The following ZC3H12B variants were observed in gnomAD, a reference collection of about 807,000 sequenced individuals.
The protein encoded by ZC3H12B is probable ribonuclease ZC3H12B.
In ZC3H12B, 7 loss-of-function variants were observed where a neutral mutation model predicts 43.9. That is an observed-to-expected ratio of 0.16 (90% CI 0.09 to 0.30). ZC3H12B has a LOEUF of 0.30. Among genes scored for constraint, ZC3H12B ranks in the 10% least tolerant of loss-of-function variants. The pLI, the probability that ZC3H12B is intolerant of heterozygous loss-of-function variation, is 1.00. For missense variants in ZC3H12B, 475 were observed against 670.2 expected (o/e 0.71, Z 3.22); for synonymous variants, 222 against 241.7 (o/e 0.92, Z 0.76).
the ZC3H12B span, among the ~76,000 whole-genome samples, chrX:65,268,724 A>C: frequency 8.9e-6 from 1 of 111,960 alleles, no homozygotes; most frequent in African/African-American, 3.3e-5. Flanking sequence ...AACTTTTAAC[A>C]ATTTAGGTAT....
chrX:65,464,705 G>A (rs1028337801), intron 3 of ZC3H12B, among the ~76,000 whole-genome samples: 1 of 110,349 alleles, frequency 9.1e-6, no homozygotes, highest in Non-Finnish European at 1.9e-5. Flanking sequence ...TGAGTGGCTA[G>A]GTTATTGACT....
chrX:65,407,163 A>G (rs2066839592), intron 3 of ZC3H12B, among the ~76,000 whole-genome samples: 1 of 113,051 alleles, frequency 8.8e-6, no homozygotes, highest in East Asian at 2.8e-4. Flanking sequence ...GAGGAAGAAA[A>G]GAAAGAAGAC....
chrX:65,056,848 C>G, the ZC3H12B span, among the ~76,000 whole-genome samples: 1 of 111,717 alleles, frequency 9.0e-6, no homozygotes, highest in Admixed American at 9.5e-5. Context: ...TATGTAATGG[C>G]CTTGTCTCTT....
intron 3 of ZC3H12B, among the ~76,000 whole-genome samples, chrX:65,406,707 G>A (rs1185510228): frequency 9.0e-6 from 1 of 111,257 alleles, no homozygotes; most frequent in Non-Finnish European, 1.9e-5. Context: ...AGGCGCGGGC[G>A]GCGGCGGCGG....
the ZC3H12B span, chrX:65,328,030 A>C: frequency 3.8e-6 from 1 of 262,512 alleles, no homozygotes; most frequent in Non-Finnish European, 7.6e-6. Flanking sequence ...CCACTTGATA[A>C]TTGCTGGTAC....
At chrX:65,325,128 A>G in the ZC3H12B span, among the ~76,000 whole-genome samples, 1 of 110,605 alleles carries the variant, frequency 9.0e-6, no homozygotes, top group Non-Finnish European at 1.9e-5. Flanking sequence ...TTTGGTTTTC[A>G]TTGCATGGAA....
At chrX:65,094,644 C>G in the ZC3H12B span, among the ~76,000 whole-genome samples, 1 of 112,457 alleles carries the variant, frequency 8.9e-6, no homozygotes, top group Non-Finnish European at 1.9e-5. Flanking sequence ...CTAAACTGTA[C>G]TAGCAGTTAC....
chrX:65,206,779 A>G, the ZC3H12B span, among the ~76,000 whole-genome samples: 13 of 111,679 alleles, frequency 1.2e-4, no homozygotes. Context: ...AAGGACTAAT[A>G]TCTACAATCT....
the ZC3H12B span, among the ~76,000 whole-genome samples, chrX:65,140,401 AAATTTGT>A: frequency 2.7e-5 from 3 of 111,737 alleles, no homozygotes; most frequent in Non-Finnish European, 3.8e-5. Flanking sequence ...TCAAATTTAT[AAATTTGT>A]ATATATTGAA....
At chrX:65,309,897 A>G in the ZC3H12B span, among the ~76,000 whole-genome samples, 8 of 112,068 alleles carry the variant, frequency 7.1e-5, no homozygotes, top group African/African-American at 2.3e-4. Flanking sequence ...AAAGACAAAA[A>G]CCACATAATT....
chrX:65,070,543 TC>T, the ZC3H12B span, among the ~76,000 whole-genome samples: 3 of 111,315 alleles, frequency 2.7e-5, no homozygotes, highest in African/African-American at 9.8e-5. Context: ...TAATTTGAGA[TC>T]TTTTTAACTT....
At chrX:65,122,809 G>T in the ZC3H12B span, among the ~76,000 whole-genome samples, 5 of 111,495 alleles carry the variant, frequency 4.5e-5, no homozygotes, top group African/African-American at 1.6e-4. Context: ...TAATGGTAAA[G>T]GGATCAATTC....
the ZC3H12B span, among the ~76,000 whole-genome samples, chrX:65,247,286 G>A: frequency 2.7e-5 from 3 of 112,264 alleles, no homozygotes; most frequent in Non-Finnish European, 5.6e-5. Flanking sequence ...TACACTGTTG[G>A]CGGGAGTGTA....
At chrX:65,373,338 C>G (rs1457612135) in intron 2 of ZC3H12B, among the ~76,000 whole-genome samples, 1 of 111,620 alleles carries the variant, frequency 9.0e-6, no homozygotes, top group African/African-American at 3.3e-5. Flanking sequence ...TGTGGTGATT[C>G]CTCAGGGACC....
the ZC3H12B span, among the ~76,000 whole-genome samples, chrX:65,195,316 T>C: frequency 9.7e-4 from 108 of 111,789 alleles, no homozygotes; most frequent in African/African-American, 3.3e-3. Flanking sequence ...ACTTTTTACA[T>C]TTTGCATATC....
chrX:65,254,662 C>T, the ZC3H12B span, among the ~76,000 whole-genome samples: 2 of 112,372 alleles, frequency 1.8e-5, no homozygotes, highest in South Asian at 7.3e-4. Context: ...TATCTTCACA[C>T]TTCCAAAAGA....
intron 3 of ZC3H12B, among the ~76,000 whole-genome samples, chrX:65,481,743 G>A (rs190406010): frequency 8.9e-6 from 1 of 112,316 alleles, no homozygotes; most frequent in Non-Finnish European, 1.9e-5. Context: ...TCCTGCAGCT[G>A]AGATAAAACA....
chrX:65,077,092 A>G, the ZC3H12B span, among the ~76,000 whole-genome samples: 5 of 111,544 alleles, frequency 4.5e-5, no homozygotes, highest in Non-Finnish European at 9.4e-5. Context: ...GTTCTGGCCT[A>G]TTTTTTGTGG....
intron 2 of ZC3H12B, among the ~76,000 whole-genome samples, chrX:65,372,844 G>T (rs1339954523): frequency 8.9e-6 from 1 of 111,841 alleles, no homozygotes; most frequent in Non-Finnish European, 1.9e-5. Context: ...ATCTATCCTT[G>T]TCTTTTTACA....
Sources: gnomAD v4.1 joint callset for allele counts (sites outside exome capture counted in the v4.1 genomes callset) on GRCh38, gnomAD v4.1.1 for gene constraint, MANE v1.5 for transcripts, NCBI Gene and HGNC (gene_info 2026-07-23, HGNC 2026-07-21) for gene names.